MYMX: variants seen among roughly 807,000 people sequenced by gnomAD.
MYMX encodes protein myomixer.
chr6:44,207,915 A>T, the MYMX span, among the ~76,000 whole-genome samples: 1 of 152,072 alleles, frequency 6.6e-6, no homozygotes, highest in African/African-American at 2.4e-5. Flanking sequence ...TCTGGAATAA[A>T]CAAATTGGTA....
chr6:44,217,385 C>T (rs1582911244), intron 1 of MYMX, 65 bp from the exon 2 acceptor site: 3 of 398,386 alleles, frequency 7.5e-6, no homozygotes, highest in East Asian at 7.1e-5. Context: ...CCTGCCCACC[C>T]CATGTCCTTG....
At chr6:44,200,934 C>T in the MYMX span, among the ~76,000 whole-genome samples, 3 of 152,164 alleles carry the variant, frequency 2.0e-5, no homozygotes, top group East Asian at 3.9e-4. Flanking sequence ...TTTCCTGGGC[C>T]ACCTCCTCCT....
chr6:44,193,709 G>A, the MYMX span, among the ~76,000 whole-genome samples: 2 of 152,176 alleles, frequency 1.3e-5, no homozygotes, highest in Admixed American at 6.6e-5. Context: ...CTGGCCAGGC[G>A]CGGTGACTCA....
At position 44,217,870 on chromosome 6, in the gene MYMX, GC is replaced by G. The variant is rs1232410702; in HGVS notation, c.*146del. On this transcript the variant is annotated 3_prime_UTR_variant, in exon 2 of 2. Transcript: ENST00000573382. ...CATGAGAGGGATCTGCCACAGACAT[GC>G]CTCTCCACTCCCAACAGAAATGTCT... 5.0e-6 allele frequency: 2 copies of G among 399,150 alleles called. No homozygotes were observed. Among genetic ancestry groups the G allele is most frequent in the Non-Finnish European group, 8.8e-6 (2 of 226,158 alleles). 24.7% of individuals were successfully genotyped at this position (399,150 alleles called of 1,614,324 possible). A position where few individuals can be genotyped will look rare whatever the true frequency, so the allele number is the denominator to read the frequency against.
chr6:44,203,981 G>A, the MYMX span, among the ~76,000 whole-genome samples: 1 of 152,068 alleles, frequency 6.6e-6, no homozygotes, highest in African/African-American at 2.4e-5. Context: ...CTGAGTAGCT[G>A]GGATTACAGG....
the MYMX span, among the ~76,000 whole-genome samples, chr6:44,195,462 AT>A: frequency 5.4e-3 from 803 of 148,426 alleles, 6 homozygotes; most frequent in African/African-American, 0.018. Context: ...CTATGCTGTA[AT>A]TTTTTTTTTA....
chr6:44,202,986 C>T, the MYMX span, among the ~76,000 whole-genome samples: 3 of 152,218 alleles, frequency 2.0e-5, no homozygotes, highest in African/African-American at 4.8e-5. Context: ...AGGATCTCAC[C>T]GCTGGAAGAT....
the MYMX span, among the ~76,000 whole-genome samples, chr6:44,208,279 A>G: frequency 6.6e-6 from 1 of 151,842 alleles, no homozygotes; most frequent in Non-Finnish European, 1.5e-5. Context: ...AGAAAAAAAC[A>G]TTTACAGCTC....
chr6:44,203,232 G>C, the MYMX span, among the ~76,000 whole-genome samples: 1 of 152,202 alleles, frequency 6.6e-6, no homozygotes, highest in Non-Finnish European at 1.5e-5. Context: ...GTTTAGATCA[G>C]TGGAGCCCTG....
chr6:44,205,207 T>A, the MYMX span, among the ~76,000 whole-genome samples: 52 of 151,910 alleles, frequency 3.4e-4, no homozygotes, highest in African/African-American at 1.0e-3. Flanking sequence ...TTCAAGGAGG[T>A]CTGCATGACC....
chr6:44,212,444 T>A (rs190262923), upstream of MYMX, among the ~76,000 whole-genome samples: 77 of 144,098 alleles, frequency 5.3e-4, no homozygotes, highest in East Asian at 9.0e-3. Flanking sequence ...ATAAAAATTT[T>A]AAAAAATAAA....
At chr6:44,203,016 AGG>A in the MYMX span, among the ~76,000 whole-genome samples, 1 of 152,352 alleles carries the variant, frequency 6.6e-6, no homozygotes, top group Admixed American at 6.5e-5. Flanking sequence ...ATGGAAACTG[AGG>A]CTGGGAGGAG....
chr6:44,197,950 C>T, the MYMX span, among the ~76,000 whole-genome samples: 2 of 151,952 alleles, frequency 1.3e-5, no homozygotes, highest in Non-Finnish European at 2.9e-5. Context: ...ATATGGACTG[C>T]AAATATCTCC....
At position 44,217,652 on chromosome 6, in the gene MYMX, C is replaced by A. The variant is rs1026527084; in HGVS notation, c.181C>A (p.His61Asn). 7.0e-5 allele frequency: 28 copies of A among 400,936 alleles called. No individual in the cohort carries two copies. The highest frequency in any genetic ancestry group is 1.2e-4 in the Non-Finnish European group (28 of 226,408). 24.8% of individuals were successfully genotyped at this position (400,936 alleles called of 1,614,324 possible). Reference protein sequence around the residue: ...GCLLFILSQRHSPDAGEASRV... With the variant: ...GCLLFILSQRNSPDAGEASRV... Reference sequence around the variant, plus strand: ...TCTGCTGTTCATTCTCAGCCAGCGACACTCGCCAGACGCTGGGGAGGCCTC... The same window carrying A: ...TCTGCTGTTCATTCTCAGCCAGCGAAACTCGCCAGACGCTGGGGAGGCCTC... Residue 61 changes from histidine to asparagine, a missense_variant, in exon 2 of 2, where the codon CAC becomes AAC. By Grantham distance (68) the His-to-Asn change is moderately conservative (BLOSUM62 1). Coordinates refer to ENST00000573382, the MANE Select transcript of MYMX (RefSeq NM_001315494.2).
chr6:44,211,608 T>C, the MYMX span, among the ~76,000 whole-genome samples: 8 of 151,662 alleles, frequency 5.3e-5, no homozygotes, highest in Admixed American at 3.3e-4. Flanking sequence ...ATACATTATT[T>C]CTTTTCTTTT....
chr6:44,198,019 T>C, the MYMX span, among the ~76,000 whole-genome samples: 6 of 152,160 alleles, frequency 3.9e-5, no homozygotes, highest in Admixed American at 2.0e-4. Context: ...TATCAAAAGA[T>C]CTCAACTTAC....
At chr6:44,205,282 G>A in the MYMX span, among the ~76,000 whole-genome samples, 1 of 151,888 alleles carries the variant, frequency 6.6e-6, no homozygotes, top group Non-Finnish European at 1.5e-5. Flanking sequence ...CCCAGGGTCA[G>A]GGTATGAAGT....
chr6:44,205,391 G>T, the MYMX span, among the ~76,000 whole-genome samples: 1 of 152,166 alleles, frequency 6.6e-6, no homozygotes, highest in South Asian at 2.1e-4. Flanking sequence ...AATAGCAGTG[G>T]TTCACATCTA....
At chr6:44,199,603 A>G in the MYMX span, among the ~76,000 whole-genome samples, 6 of 152,230 alleles carry the variant, frequency 3.9e-5, no homozygotes, top group African/African-American at 1.4e-4. Context: ...AAATTTTACA[A>G]TCAGCTTCCA....
Sources: gnomAD v4.1 joint callset for allele counts (sites outside exome capture counted in the v4.1 genomes callset) on GRCh38, gnomAD v4.1.1 for gene constraint, MANE v1.5 for transcripts, NCBI Gene and HGNC (gene_info 2026-07-23, HGNC 2026-07-21) for gene names.